Variants in CNTN4 observed in about 807,000 individuals in gnomAD.
The protein encoded by CNTN4 is contactin-4.
In CNTN4, 77 loss-of-function variants were observed where a neutral mutation model predicts 122.5. The ratio of observed to expected loss-of-function variants is 0.63; its 90% CI spans 0.52 to 0.76. The LOEUF (loss-of-function observed/expected upper bound fraction) is 0.76. Ranked by LOEUF, CNTN4 falls within the 30% of genes least tolerant of loss-of-function variation. The pLI, the probability that CNTN4 is intolerant of heterozygous loss-of-function variation, is 0.00. For missense variants in CNTN4, 1,256 were observed against 1,259.1 expected (o/e 1.00, Z 0.04); for synonymous variants, 512 against 447.0 (o/e 1.15, Z -1.83).
chr3:2,990,443 G>A (rs1181628715), intron 14 of CNTN4, among the ~76,000 whole-genome samples: 1 of 152,112 alleles, frequency 6.6e-6, no homozygotes, highest in Non-Finnish European at 1.5e-5. Context: ...CATATATATG[G>A]TGTCTCATAT....
chr3:2,727,708 G>C (rs2176258), intron 4 of CNTN4, among the ~76,000 whole-genome samples: 19,326 of 152,194 alleles, frequency 0.13, 1,602 homozygotes, highest in East Asian at 0.43. Context: ...TTATGTGTGG[G>C]ACAAATGCAT....
intron 2 of CNTN4, among the ~76,000 whole-genome samples, chr3:2,164,038 G>A (rs150604787): frequency 4.7e-4 from 71 of 152,174 alleles, no homozygotes; most frequent in African/African-American, 1.6e-3. Context: ...GGTAGGAGGT[G>A]GATGGGGGAT....
Position 2,223,259 on chromosome 3 carries a change from T to A in CNTN4, c.-144-115919T>A, listed in dbSNP as rs75034912. Among the ~76,000 whole-genome samples the A allele has an allele frequency of 5.8e-3, 881 of 152,284 alleles. 13 individuals are homozygous for A. The highest frequency in any genetic ancestry group is 0.02 in the African/African-American group (834 of 41,562). On this transcript the variant is annotated intron_variant, in intron 2 of 24. Transcript: ENST00000418658. ...TACACTGTTCCGTCCAGTTGCCCTG[T>A]GGGTGTCCGTGGTGGTAACCAGTTT... is the stretch of plus-strand genomic sequence containing the variant.
At chr3:2,402,178 T>G (rs2150973959) in intron 3 of CNTN4, among the ~76,000 whole-genome samples, 1 of 152,232 alleles carries the variant, frequency 6.6e-6, no homozygotes, top group Non-Finnish European at 1.5e-5. Flanking sequence ...CAAATCTCCC[T>G]TGCAGCTGAA....
chr3:2,130,747 A>G lies in CNTN4; in HGVS notation c.-145+30108A>G, dbSNP rs539368201. ...TGTTTTGAATAAACAGGTTTTTTGA[A>G]TAATAGTAACTTACATATCTATAGT... On this transcript the variant is annotated intron_variant, in intron 2 of 24. Coordinates refer to ENST00000418658, the MANE Select transcript of CNTN4 (RefSeq NM_175607.3). Among the ~76,000 whole-genome samples the G allele has an allele frequency of 1.9e-3, 290 of 152,326 alleles. 1 individual carries two copies. Among genetic ancestry groups the G allele is most frequent in the African/African-American group, 6.7e-3 (277 of 41,582 alleles).
At chr3:2,987,157 G>A (rs1310877862) in intron 13 of CNTN4, among the ~76,000 whole-genome samples, 1 of 152,188 alleles carries the variant, frequency 6.6e-6, no homozygotes, top group Non-Finnish European at 1.5e-5. Flanking sequence ...GAAGTGGGAA[G>A]GATTTCAAAT....
chr3:2,884,607 C>T (rs1005640606), intron 9 of CNTN4, among the ~76,000 whole-genome samples: 1 of 152,186 alleles, frequency 6.6e-6, no homozygotes. Context: ...AATATGATTA[C>T]ACTTTTTATT....
intron 2 of CNTN4, among the ~76,000 whole-genome samples, chr3:2,152,794 A>T (rs1313931778): frequency 6.6e-6 from 1 of 152,164 alleles, no homozygotes; most frequent in East Asian, 1.9e-4. Flanking sequence ...TGTCGATGTG[A>T]GACAAAAGCA....
chr3:2,355,247 A>G lies in CNTN4; in HGVS notation c.-89+16014A>G, dbSNP rs1233273971. Among the ~76,000 whole-genome samples, 3 of 152,234 alleles carry G rather than the reference A, an allele frequency of 2.0e-5. 1 individual carries two copies. The highest frequency in any genetic ancestry group is 4.4e-5 in the Non-Finnish European group (3 of 68,046). On this transcript the variant is annotated intron_variant, in intron 3 of 24. Transcript: ENST00000418658. The stretch of plus-strand genomic sequence containing the variant: ...GTAATACAGAATAGTAAAGAACTAG[A>G]GATATTTTGCTCAAGATCACCTAGC...
intron 2 of CNTN4, among the ~76,000 whole-genome samples, chr3:2,287,362 G>A (rs866797703): frequency 1.5e-4 from 23 of 152,168 alleles, no homozygotes; most frequent in South Asian, 1.0e-3. Context: ...AACACTTTGG[G>A]AGGCCGAGGT....
At chr3:2,697,706 T>TAG (rs1317288075) in intron 4 of CNTN4, among the ~76,000 whole-genome samples, 2 of 151,914 alleles carry the variant, frequency 1.3e-5, no homozygotes, top group Admixed American at 6.6e-5. Flanking sequence ...ATACGATGCA[T>TAG]AGAGAGAGAG....
At chr3:2,784,885 G>A (rs749149102) in intron 6 of CNTN4, among the ~76,000 whole-genome samples, 3 of 152,134 alleles carry the variant, frequency 2.0e-5, no homozygotes, top group African/African-American at 4.8e-5. Context: ...TCCTACAGAA[G>A]TAAGTGCTGG....
At chr3:2,359,589 G>A (rs2045031020) in intron 3 of CNTN4, among the ~76,000 whole-genome samples, 1 of 152,122 alleles carries the variant, frequency 6.6e-6, no homozygotes, top group Admixed American at 6.5e-5. Flanking sequence ...GCCCAGGCTG[G>A]AGTGCAGTGG....
chr3:2,773,810 G>A (rs991046174), intron 6 of CNTN4, among the ~76,000 whole-genome samples: 3 of 122,388 alleles, frequency 2.5e-5, no homozygotes, highest in Admixed American at 2.3e-4. Context: ...TCCCAGGCTG[G>A]AGTACAGTGG....
intron 2 of CNTN4, among the ~76,000 whole-genome samples, chr3:2,120,374 A>AATATATATATATATATATATATATAAAT (rs71634778): frequency 5.1e-5 from 3 of 59,080 alleles, no homozygotes; most frequent in Non-Finnish European, 9.5e-5. Context: ...TATATATATA[A>AATATATATATATATATATATATATAAAT]ATATATATAT....
intron 2 of CNTN4, among the ~76,000 whole-genome samples, chr3:2,308,645 C>G (rs2042804790): frequency 6.6e-6 from 1 of 151,870 alleles, no homozygotes; most frequent in African/African-American, 2.4e-5. Flanking sequence ...TTTCTTGACC[C>G]CTTGGTTATT....
chr3:2,220,921 A>G lies in CNTN4; in HGVS notation c.-144-118257A>G, dbSNP rs1398386820. ...AGTATCTTTATCAGAAAAAAGGTAGAGAAGTGAATATTTCTGTCCATTTTA... is the reference window on the plus strand; with the variant it reads ...AGTATCTTTATCAGAAAAAAGGTAGGGAAGTGAATATTTCTGTCCATTTTA... On this transcript the variant is annotated intron_variant, in intron 2 of 24. Transcript: ENST00000418658. Among the ~76,000 whole-genome samples the G allele has an allele frequency of 5.3e-5, 8 of 152,218 alleles. No individual in the cohort carries two copies. The South Asian group carries it at 1.5e-3, about 28-fold the overall frequency.
intron 2 of CNTN4, among the ~76,000 whole-genome samples, chr3:2,140,088 C>T (rs1193698736): frequency 1.3e-5 from 2 of 152,118 alleles, no homozygotes; most frequent in African/African-American, 4.8e-5. Context: ...TTGCCTGCCG[C>T]CATGTAAGAT....
At chr3:2,387,040 C>A (rs1449810455) in intron 3 of CNTN4, among the ~76,000 whole-genome samples, 3 of 152,064 alleles carry the variant, frequency 2.0e-5, no homozygotes, top group African/African-American at 7.2e-5. Flanking sequence ...AACTTGCTAA[C>A]CATAAGTCGT....
Sources: gnomAD v4.1 joint callset for allele counts (sites outside exome capture counted in the v4.1 genomes callset) on GRCh38, gnomAD v4.1.1 for gene constraint, MANE v1.5 for transcripts, NCBI Gene and HGNC (gene_info 2026-07-23, HGNC 2026-07-21) for gene names.